Variants in PKIB observed in about 807,000 individuals in gnomAD.
PKIB encodes PKI-beta.
In PKIB, 2 loss-of-function variants were observed where a neutral mutation model predicts 4.5. That is an observed-to-expected ratio of 0.44 (90% CI 0.18 to 1.39). The LOEUF is 1.39. PKIB is among the 40% of genes most tolerant of loss of function. The pLI is 0.27. For missense variants in PKIB, 94 were observed against 92.6 expected, an observed-to-expected ratio of 1.02 and a Z score of -0.06; for synonymous variants, 38 against 36.0, an observed-to-expected ratio of 1.06 and a Z score of -0.20.
chr6:122,555,302 A>G (rs1772806278), intron 2 of PKIB, among the ~76,000 whole-genome samples: 1 of 152,246 alleles, frequency 6.6e-6, no homozygotes, highest in South Asian at 2.1e-4. Context: ...CTGGAAATTA[A>G]GAAAACACAC....
chr6:122,537,425 G>C (rs1459800943), intron 2 of PKIB, among the ~76,000 whole-genome samples: 1 of 151,912 alleles, frequency 6.6e-6, no homozygotes, highest in African/African-American at 2.4e-5. Context: ...TTTTTTGTGA[G>C]AACATTTTGG....
At chr6:122,703,953 G>T (rs1323564722) in intron 3 of PKIB, among the ~76,000 whole-genome samples, 16 of 138,892 alleles carry the variant, frequency 1.2e-4, no homozygotes, top group East Asian at 1.0e-3. Flanking sequence ...GAGAGAGAGA[G>T]AGAGAGAGAG....
At chr6:122,482,190 G>A (rs1056873235) in intron 2 of PKIB, 3 of 152,186 alleles carry the variant, frequency 2.0e-5, no homozygotes, top group African/African-American at 4.8e-5. Context: ...TTGATCTCCT[G>A]ACCTCGTGAT....
At chr6:122,708,495 T>C (rs565565001) in intron 3 of PKIB, among the ~76,000 whole-genome samples, 4 of 152,264 alleles carry the variant, frequency 2.6e-5, no homozygotes, top group South Asian at 2.1e-4. Flanking sequence ...AGGGGAGATA[T>C]GGTTTTCTGT....
chr6:122,618,787 A>G (rs1366033477), intron 1 of PKIB, among the ~76,000 whole-genome samples: 1 of 152,140 alleles, frequency 6.6e-6, no homozygotes, highest in Non-Finnish European at 1.5e-5. Context: ...TAATTTTGAT[A>G]CATCATATAC....
chr6:122,616,744 T>C (rs1394920381), intron 1 of PKIB, among the ~76,000 whole-genome samples: 4 of 151,952 alleles, frequency 2.6e-5, no homozygotes, highest in Non-Finnish European at 4.4e-5. Flanking sequence ...ATAACTGTTA[T>C]GCTAAGAGAA....
intron 2 of PKIB, among the ~76,000 whole-genome samples, chr6:122,545,309 T>C (rs1318754596): frequency 6.6e-6 from 1 of 151,908 alleles, no homozygotes; most frequent in African/African-American, 2.4e-5. Flanking sequence ...CATGTAGCCA[T>C]AAAGAAGAAT....
chr6:122,647,359 G>A (rs984699037), intron 2 of PKIB, among the ~76,000 whole-genome samples: 2 of 152,200 alleles, frequency 1.3e-5, no homozygotes, highest in Non-Finnish European at 2.9e-5. Context: ...GTGAGTGTCC[G>A]ATTGATTAAC....
At chr6:122,659,539 A>C (rs1041228001) in intron 2 of PKIB, among the ~76,000 whole-genome samples, 1 of 152,182 alleles carries the variant, frequency 6.6e-6, no homozygotes, top group Non-Finnish European at 1.5e-5. Flanking sequence ...AACTTAGTGA[A>C]AGGAATATGA....
rs566477899 is a variant in PKIB at position 122,675,578 on chromosome 6, T to C, written c.-9+434T>C. ...CTTTTCTATGACCACTTTTGGTGAATTTTTTTTAAAAATCAAAACTAGGTC... is the reference window on the plus strand; with the variant it reads ...CTTTTCTATGACCACTTTTGGTGAACTTTTTTTAAAAATCAAAACTAGGTC... On this transcript the variant is annotated intron_variant, in intron 3 of 4. Coordinates refer to ENST00000368452, the MANE Select transcript of PKIB (RefSeq NM_181795.3). Among the ~76,000 whole-genome samples the C allele has an allele frequency of 2.0e-5, 3 of 152,168 alleles. No homozygotes were observed. In the East Asian group the frequency reaches 5.8e-4, roughly 29 times the overall value.
intron 2 of PKIB, among the ~76,000 whole-genome samples, chr6:122,529,166 G>C (rs577541140): frequency 6.6e-6 from 1 of 151,960 alleles, no homozygotes; most frequent in South Asian, 2.1e-4. Context: ...GTGTTTTGTT[G>C]ATCTTCTGTA....
At chr6:122,577,398 A>G (rs1773573589) in intron 2 of PKIB, among the ~76,000 whole-genome samples, 1 of 152,178 alleles carries the variant, frequency 6.6e-6, no homozygotes, top group Admixed American at 6.5e-5. Context: ...TTTTCTTAGA[A>G]GTTTATAGTA....
rs963321412 is a variant in PKIB, at chr6:122,725,437, A to G, written c.*242A>G. On this transcript the variant is annotated 3_prime_UTR_variant, in exon 5 of 5. Coordinates refer to ENST00000368452, the MANE Select transcript of PKIB (RefSeq NM_181795.3). ...TGAAGGAAAAGGTTAAGAATAATAC[A>G]TGATCACAGAAATGCATACCACTGT... The G allele has an allele frequency of 4.6e-6, 2 of 438,086 alleles. No individual in the cohort carries two copies. The highest frequency in any genetic ancestry group is 3.5e-5 in the East Asian group (1 of 28,602). 27.1% of individuals were successfully genotyped at this position (438,086 alleles called of 1,614,324 possible). A position where few individuals can be genotyped will look rare whatever the true frequency, so the allele number is the denominator to read the frequency against.
chr6:122,545,190 A>T (rs1772454094), intron 2 of PKIB, among the ~76,000 whole-genome samples: 1 of 152,064 alleles, frequency 6.6e-6, no homozygotes. Context: ...ACATGCACAT[A>T]TGTTCATCAC....
intron 2 of PKIB, among the ~76,000 whole-genome samples, chr6:122,539,594 T>C (rs1432872454): frequency 2.6e-5 from 4 of 152,142 alleles, no homozygotes; most frequent in African/African-American, 9.7e-5. Flanking sequence ...CAGTATTTTA[T>C]TGAGATTGTT....
At chr6:122,652,888 T>C (rs1055518288) in intron 2 of PKIB, 1 of 152,382 alleles carries the variant, frequency 6.6e-6, no homozygotes, top group Non-Finnish European at 1.5e-5. Context: ...TAAGATTTAA[T>C]TGAGGTGGTC....
intron 3 of PKIB, among the ~76,000 whole-genome samples, chr6:122,715,733 CT>C (rs1475716258): frequency 1.3e-5 from 2 of 151,408 alleles, no homozygotes; most frequent in Non-Finnish European, 2.9e-5. Context: ...ATTTTTCCCC[CT>C]GTTTTCTCTA....
intron 2 of PKIB, among the ~76,000 whole-genome samples, chr6:122,536,283 AG>A (rs1313651027): frequency 2.0e-5 from 3 of 152,342 alleles, no homozygotes; most frequent in Non-Finnish European, 4.4e-5. Context: ...TGTGAAAAAA[AG>A]ACAGTGGAAA....
chr6:122,632,900 G>A (rs1416216799), intron 1 of PKIB, among the ~76,000 whole-genome samples: 1 of 152,072 alleles, frequency 6.6e-6, no homozygotes, highest in Admixed American at 6.5e-5. Flanking sequence ...TTGCTTTCTT[G>A]TTTATTTTAC....
Sources: allele counts gnomAD v4.1 joint callset (sites outside exome capture counted in the v4.1 genomes callset), GRCh38; gene constraint gnomAD v4.1.1; transcripts MANE v1.5; gene names NCBI Gene and HGNC (gene_info 2026-07-23, HGNC 2026-07-21).